The following TMEM164 variants were observed in gnomAD, a reference collection of about 807,000 sequenced individuals.
TMEM164 encodes the protein transmembrane protein 164.
In TMEM164, 4 loss-of-function variants were observed where a neutral mutation model predicts 18.8. The ratio of observed to expected loss-of-function variants is 0.21; its 90% CI spans 0.10 to 0.49. The LOEUF is 0.49. Among genes scored for constraint, TMEM164 ranks in the 20% least tolerant of loss-of-function variants. TMEM164 has a pLI of 0.98. For missense variants in TMEM164, 108 were observed against 239.9 expected (o/e 0.45, Z 3.63); for synonymous variants, 86 against 101.7 (o/e 0.85, Z 0.93).
chrX:110,122,067 G>A lies in TMEM164; in HGVS notation c.507+12921G>A, dbSNP rs189649734. ...TACTCAAATTTGACCCAGCCATCCC[G>A]TTACTGGGTATATACCCAAAGGACT... On this transcript the variant is annotated intron_variant, in intron 4 of 6. Coordinates refer to ENST00000372068, the MANE Select transcript of TMEM164 (RefSeq NM_032227.4). Among the ~76,000 whole-genome samples the A allele has an allele frequency of 2.1e-3, 237 of 111,108 alleles. 1 individual carries two copies. Among genetic ancestry groups the A allele is most frequent in the African/African-American group, 7.4e-3 (226 of 30,528 alleles).
intron 2 of TMEM164, among the ~76,000 whole-genome samples, chrX:110,049,589 C>G (rs1935462591): frequency 9.0e-6 from 1 of 111,415 alleles, no homozygotes; most frequent in Non-Finnish European, 1.9e-5. Flanking sequence ...TGCTGTGTGG[C>G]TTGGTTCCTA....
intron 2 of TMEM164, among the ~76,000 whole-genome samples, chrX:110,035,264 A>C (rs955097895): frequency 2.7e-5 from 3 of 110,510 alleles, no homozygotes; most frequent in Non-Finnish European, 3.8e-5. Context: ...AAAATAAATA[A>C]AAATCACTCA....
intron 3 of TMEM164, among the ~76,000 whole-genome samples, chrX:110,078,468 C>A (rs2147880473): frequency 8.9e-6 from 1 of 112,165 alleles, no homozygotes; most frequent in East Asian, 2.8e-4. Context: ...ACATTTCAAT[C>A]TGGTTAGGAT....
chrX:110,042,501 T>C (rs1257295976), intron 2 of TMEM164, among the ~76,000 whole-genome samples: 1 of 111,949 alleles, frequency 8.9e-6, no homozygotes, highest in Non-Finnish European at 1.9e-5. Context: ...AAGTATTTGT[T>C]TGAGTCCTTG....
chrX:110,122,685 G>T lies in TMEM164; in HGVS notation c.507+13539G>T, dbSNP rs753263415. Among the ~76,000 whole-genome samples, 12 of 112,245 alleles carry T rather than the reference G, an allele frequency of 1.1e-4. No homozygotes were observed. The South Asian group carries it at 1.8e-3, about 17-fold the overall frequency. Reference sequence around the variant, plus strand: ...TGCTATTTCTCTGATAACTAATGATGTTGAACACTTTTTCATGTACTTACT... The same window carrying T: ...TGCTATTTCTCTGATAACTAATGATTTTGAACACTTTTTCATGTACTTACT... On this transcript the variant is annotated intron_variant, in intron 4 of 6. Coordinates refer to ENST00000372068, the MANE Select transcript of TMEM164 (RefSeq NM_032227.4).
At chrX:110,108,522 G>C (rs558335509) in intron 3 of TMEM164, among the ~76,000 whole-genome samples, 1 of 111,902 alleles carries the variant, frequency 8.9e-6, no homozygotes, top group African/African-American at 3.3e-5. Context: ...AGCCTGGAAG[G>C]CTGCCCACTT....
At position 110,016,422 on chromosome X, in the gene TMEM164, T is replaced by C. The variant is rs975091628; in HGVS notation, c.390+12258T>C. Among the ~76,000 whole-genome samples the C allele has an allele frequency of 2.7e-5, 3 of 111,803 alleles. No individual in the cohort carries two copies. In the Admixed American group the frequency reaches 2.8e-4, roughly 11 times the overall value. ...TCATTTAGGACCTCCCTTAGGCCTT[T>C]AAAACGCTGGAAATGTGTAACAGGG... On this transcript the variant is annotated intron_variant, in intron 2 of 6. Transcript: ENST00000372068.
At chrX:110,092,119 G>C (rs1006073305) in intron 3 of TMEM164, among the ~76,000 whole-genome samples, 18 of 112,063 alleles carry the variant, frequency 1.6e-4, no homozygotes, top group African/African-American at 5.8e-4. Context: ...CAGCCTTGTA[G>C]TATAGTTTGA....
chrX:110,042,921 G>T (rs920776016), intron 2 of TMEM164, among the ~76,000 whole-genome samples: 8 of 112,611 alleles, frequency 7.1e-5, no homozygotes, highest in African/African-American at 2.6e-4. Context: ...GCTTTGATTA[G>T]AAATTTCAGT....
chrX:110,073,399 TGTG>T, intron 3 of TMEM164, among the ~76,000 whole-genome samples: 1 of 112,079 alleles, frequency 8.9e-6, no homozygotes. Context: ...AGTGAGAACA[TGTG>T]GTATTTGATT....
At chrX:110,127,201 G>C (rs1370589573) in intron 4 of TMEM164, among the ~76,000 whole-genome samples, 2 of 110,989 alleles carry the variant, frequency 1.8e-5, no homozygotes. Flanking sequence ...TCCTAGCAAG[G>C]TGTTTTAGTG....
In TMEM164 at chrX:110,175,900, G is replaced by A; in HGVS notation, c.*2449G>A. The A allele has an allele frequency of 1.3e-6, 1 of 755,877 alleles. No homozygotes were observed. Among genetic ancestry groups the A allele is most frequent in the Non-Finnish European group, 1.6e-6 (1 of 639,804 alleles). 62.3% of individuals were successfully genotyped at this position (755,877 alleles called of 1,213,427 possible). ...GACTCTTGGCAGCCTGCCTTACAGGGTAGCCCACCTTATAGGGTAGCCCTC... is the reference window on the plus strand; with the variant it reads ...GACTCTTGGCAGCCTGCCTTACAGGATAGCCCACCTTATAGGGTAGCCCTC... On this transcript the variant is annotated 3_prime_UTR_variant, in exon 7 of 7. Transcript: ENST00000372068.
chrX:110,014,380 C>T lies in TMEM164; in HGVS notation c.390+10216C>T, dbSNP rs1168961905. On this transcript the variant is annotated intron_variant, in intron 2 of 6. Transcript: ENST00000372068. ...GTTAGCACCCATGTAATAATTTCTG[C>T]GGGACAGGGTTGTTTGGCTGTTTGA... Among the ~76,000 whole-genome samples the T allele has an allele frequency of 3.6e-5, 4 of 111,502 alleles. No homozygotes were observed. In the Admixed American group the frequency reaches 3.8e-4, roughly 11 times the overall value.
At chrX:110,007,515 AGG>A in intron 2 of TMEM164, among the ~76,000 whole-genome samples, 1 of 112,306 alleles carries the variant, frequency 8.9e-6, no homozygotes, top group Non-Finnish European at 1.9e-5. Context: ...TGATTTTGGC[AGG>A]TATGGGTGAC....
At chrX:110,111,467 G>A (rs1471243071) in intron 4 of TMEM164, among the ~76,000 whole-genome samples, 1 of 112,127 alleles carries the variant, frequency 8.9e-6, no homozygotes, top group Non-Finnish European at 1.9e-5. Context: ...AGGAGACTGA[G>A]AAGTCAGGCA....
intron 5 of TMEM164, among the ~76,000 whole-genome samples, chrX:110,160,388 C>T (rs1391973056): frequency 8.9e-6 from 1 of 112,251 alleles, no homozygotes; most frequent in Non-Finnish European, 1.9e-5. Context: ...AGTGTTTATG[C>T]TCATCTGCTT....
chrX:110,125,454 T>A (rs890466904), intron 4 of TMEM164, among the ~76,000 whole-genome samples: 2 of 111,580 alleles, frequency 1.8e-5, no homozygotes, highest in African/African-American at 6.5e-5. Context: ...CTGTATGTAG[T>A]TTTTTCCCCC....
intron 4 of TMEM164, among the ~76,000 whole-genome samples, chrX:110,139,313 C>T (rs978062176): frequency 6.3e-5 from 7 of 111,320 alleles, no homozygotes; most frequent in Non-Finnish European, 1.3e-4. Context: ...GAAAAAGCAG[C>T]TGTGGGGATG....
intron 2 of TMEM164, among the ~76,000 whole-genome samples, chrX:110,020,120 C>A (rs961733605): frequency 3.6e-5 from 4 of 112,063 alleles, no homozygotes; most frequent in African/African-American, 6.5e-5. Flanking sequence ...TGTTATTCTG[C>A]CTTGTATTAT....
Sources: allele counts gnomAD v4.1 joint callset (sites outside exome capture counted in the v4.1 genomes callset), GRCh38; gene constraint gnomAD v4.1.1; transcripts MANE v1.5; gene names NCBI Gene and HGNC (gene_info 2026-07-23, HGNC 2026-07-21).